COG5: variants seen among roughly 807,000 people sequenced by gnomAD.
COG5 encodes conserved oligomeric Golgi complex subunit 5.
In COG5, 86 loss-of-function variants were observed where a neutral mutation model predicts 110.4. The observed-to-expected ratio is 0.78, with a 90% CI of 0.65 to 0.93. The LOEUF (loss-of-function observed/expected upper bound fraction) is 0.93, where lower values mean the gene tolerates loss of function less well. Among genes scored for constraint, COG5 ranks in the 40% least tolerant of loss-of-function variants. The pLI is 0.00. For synonymous variants in COG5, 360 were observed against 334.6 expected (o/e 1.08, Z -0.83); for missense variants, 1,077 against 987.0 (o/e 1.09, Z -1.22).
At chr7:107,448,456 C>A (rs1795141085) in intron 6 of COG5, among the ~76,000 whole-genome samples, 1 of 152,164 alleles carries the variant, frequency 6.6e-6, no homozygotes, top group Admixed American at 6.6e-5. Context: ...TAGTTTCCAT[C>A]ATTTCATACC....
At chr7:107,297,781 G>C (rs926000979) in intron 12 of COG5, among the ~76,000 whole-genome samples, 1 of 152,018 alleles carries the variant, frequency 6.6e-6, no homozygotes, top group Non-Finnish European at 1.5e-5. Flanking sequence ...TTCCTTTTAT[G>C]TCACATTTAT....
chr7:107,262,486 T>C lies in COG5; in HGVS notation c.1576-4103A>G, dbSNP rs115539697. Among the ~76,000 whole-genome samples the C allele has an allele frequency of 4.4e-3, 664 of 152,224 alleles. 6 individuals carry two copies. The highest frequency in any genetic ancestry group is 0.016 in the African/African-American group (649 of 41,536). Reference sequence around the variant, plus strand: ...AGCGGGGCAGGGTATTAAGAATACATATATTCATGGTCACTTAGGAAAATT... The same window carrying C: ...AGCGGGGCAGGGTATTAAGAATACACATATTCATGGTCACTTAGGAAAATT... On this transcript the variant is annotated intron_variant, in intron 14 of 21. Transcript: ENST00000297135.
At chr7:107,503,939 A>G (rs1798801233) in intron 6 of COG5, among the ~76,000 whole-genome samples, 1 of 135,122 alleles carries the variant, frequency 7.4e-6, no homozygotes, top group Non-Finnish European at 1.5e-5. Context: ...ATCAGTGAAC[A>G]GTGATAGTTT....
rs1023494441 is a variant in COG5 at position 107,467,540 on chromosome 7, C to A, written c.539-54908G>T. ...CTAATTTTTGTATTTTTTGTAGAGA[C>A]AGGGTTTCACCATGTTGGCCAGACT... On this transcript the variant is annotated intron_variant, in intron 6 of 21. Coordinates refer to ENST00000297135, the MANE Select transcript of COG5 (RefSeq NM_006348.5). 2.6e-5 allele frequency among the ~76,000 whole-genome samples: 4 copies of A among 152,092 alleles called. No homozygotes were observed. The South Asian group carries it at 6.2e-4, about 24-fold the overall frequency.
intron 14 of COG5, among the ~76,000 whole-genome samples, chr7:107,272,507 G>C (rs2116729845): frequency 6.6e-6 from 1 of 152,198 alleles, no homozygotes; most frequent in South Asian, 2.1e-4. Context: ...CTCAACCTTG[G>C]CAAAATAAAC....
chr7:107,426,182 T>C (rs1165121622), intron 6 of COG5, among the ~76,000 whole-genome samples: 2 of 152,196 alleles, frequency 1.3e-5, no homozygotes, highest in Non-Finnish European at 2.9e-5. Flanking sequence ...TTGTGGTACT[T>C]TGTTATAGCA....
intron 5 of COG5, among the ~76,000 whole-genome samples, chr7:107,530,619 A>C (rs931213691): frequency 1.3e-5 from 2 of 151,288 alleles, no homozygotes; most frequent in Non-Finnish European, 2.9e-5. Context: ...AAAAAAAAAA[A>C]AAAAAAACAC....
chr7:107,232,817 T>G (rs1435004773), intron 18 of COG5, among the ~76,000 whole-genome samples: 1 of 152,106 alleles, frequency 6.6e-6, no homozygotes. Context: ...GATACAAAAG[T>G]GGCATGTGCA....
intron 6 of COG5, among the ~76,000 whole-genome samples, chr7:107,523,832 A>G (rs1800523824): frequency 6.6e-6 from 1 of 152,180 alleles, no homozygotes; most frequent in Admixed American, 6.5e-5. Flanking sequence ...AAAAAAAAAA[A>G]AAGAATGTAA....
At chr7:107,437,299 C>G (rs1200790709) in intron 6 of COG5, among the ~76,000 whole-genome samples, 2 of 152,108 alleles carry the variant, frequency 1.3e-5, no homozygotes, top group African/African-American at 4.8e-5. Flanking sequence ...ATAGCTAGCC[C>G]CAGTGCATTC....
chr7:107,224,655 G>A (rs777332360), intron 19 of COG5, among the ~76,000 whole-genome samples: 2 of 152,250 alleles, frequency 1.3e-5, no homozygotes, highest in Non-Finnish European at 2.9e-5. Flanking sequence ...TACTGACAAT[G>A]TCAAGGGTCA....
At chr7:107,206,363 T>C (rs573553263) in intron 21 of COG5, among the ~76,000 whole-genome samples, 1 of 152,360 alleles carries the variant, frequency 6.6e-6, no homozygotes, top group Admixed American at 6.5e-5. Flanking sequence ...AGATGGAATT[T>C]AGTGCTCTTA....
At chr7:107,391,359 T>A (rs1259998300) in intron 7 of COG5, among the ~76,000 whole-genome samples, 1 of 152,176 alleles carries the variant, frequency 6.6e-6, no homozygotes, top group African/African-American at 2.4e-5. Context: ...GTTCTAAGCA[T>A]CCTTTGTGTA....
chr7:107,424,247 T>C (rs1376620373), intron 6 of COG5, among the ~76,000 whole-genome samples: 1 of 152,040 alleles, frequency 6.6e-6, no homozygotes, highest in Non-Finnish European at 1.5e-5. Context: ...CACTCCAGCC[T>C]GGGCAACAGA....
chr7:107,370,981 G>T (rs1171853663), intron 8 of COG5, among the ~76,000 whole-genome samples: 1 of 151,878 alleles, frequency 6.6e-6, no homozygotes, highest in Non-Finnish European at 1.5e-5. Context: ...GACAGCACAT[G>T]AATAACTGCT....
intron 21 of COG5, chr7:107,209,813 T>C (rs1336901260): frequency 1.0e-6 from 1 of 985,066 alleles, no homozygotes; most frequent in African/African-American, 1.7e-5. Context: ...TCCCAGTTTA[T>C]GAGTTTACAG....
chr7:107,496,970 C>G (rs2712198), intron 6 of COG5, among the ~76,000 whole-genome samples: 146,300 of 152,216 alleles, frequency 0.96, 70,366 homozygotes, highest in East Asian at 1. Flanking sequence ...AGCACTTCTG[C>G]AAGCAAACAT....
chr7:107,238,176 C>A (rs1562927835), intron 17 of COG5, among the ~76,000 whole-genome samples: 1 of 152,152 alleles, frequency 6.6e-6, no homozygotes, highest in Non-Finnish European at 1.5e-5. Context: ...TAGCTGCTAA[C>A]TGCCATTCTA....
intron 16 of COG5, among the ~76,000 whole-genome samples, chr7:107,255,549 T>C (rs1013545847): frequency 6.6e-6 from 1 of 152,116 alleles, no homozygotes; most frequent in East Asian, 1.9e-4. Context: ...CTTCTTCTGA[T>C]TGTTCTTTCC....
Sources: gnomAD v4.1 joint callset for allele counts (sites outside exome capture counted in the v4.1 genomes callset) on GRCh38, gnomAD v4.1.1 for gene constraint, MANE v1.5 for transcripts, NCBI Gene and HGNC (gene_info 2026-07-23, HGNC 2026-07-21) for gene names.